The following PODNL1 variants were observed in gnomAD, a reference collection of about 807,000 sequenced individuals.
PODNL1 encodes the protein podocan like 1.
PODNL1 carries 50 observed loss-of-function variants against 45.1 expected under a neutral mutation model. That is an observed-to-expected ratio of 1.11 (90% CI 0.88 to 1.40). The LOEUF (loss-of-function observed/expected upper bound fraction) is 1.40, where lower values mean the gene tolerates loss of function less well. Among genes scored for constraint, PODNL1 ranks in the 40% most tolerant of loss-of-function variants. The pLI is 0.00. For synonymous variants in PODNL1, 406 were observed against 372.5 expected (o/e 1.09, Z -1.04); for missense variants, 788 against 793.3 (o/e 0.99, Z 0.08).
chr19:13,933,907 T>C lies in PODNL1; in HGVS notation c.738A>G (p.Thr246=). 1.2e-6 allele frequency: 2 copies of C among 1,611,540 alleles called. No individual in the cohort carries two copies. The highest frequency in any genetic ancestry group is 1.1e-5 in the South Asian group (1 of 90,432). Residue 246 remains threonine, a synonymous_variant, in exon 7 of 10, where the codon ACA becomes ACG. Coordinates refer to ENST00000588872, the MANE Select transcript of PODNL1 (RefSeq NM_001370095.3). This position sits in a 1 kb window ranked among gnomAD's most constrained non-coding sequence, Gnocchi z 5.2. ...AGGTGGTGGCATCCAGGCCACTGTC[T>C]GTCAGCTGGTTGTGCTGGAGGTAGA... The part of the protein sequence containing the change: ...RELYLQHNQL[T]DSGLDATTFS...
rs1236765891 is a variant in PODNL1 at position 13,933,531 on chromosome 19, G to C, written c.768-76C>G. ...TGACAGATTTTGGCGGGGAGGCTGG[G>C]GAGTGGTCCTGAGACAGATTTAAGC... On this transcript the variant is annotated intron_variant, in intron 7 of 9. Coordinates refer to ENST00000588872, the MANE Select transcript of PODNL1 (RefSeq NM_001370095.3). This position sits in a 1 kb window ranked among gnomAD's most constrained non-coding sequence, Gnocchi z 5.2. 9 of 1,435,684 alleles carry C rather than the reference G, an allele frequency of 6.3e-6. No individual in the cohort carries two copies. The highest frequency in any genetic ancestry group is 8.4e-6 in the Non-Finnish European group (9 of 1,072,430). 88.9% of individuals were successfully genotyped at this position (1,435,684 alleles called of 1,614,324 possible). A position where few individuals can be genotyped will look rare whatever the true frequency, so the allele number is the denominator to read the frequency against.
At chr19:13,950,102 T>C (rs1972949593) in intron 1 of PODNL1, among the ~76,000 whole-genome samples, 1 of 151,684 alleles carries the variant, frequency 6.6e-6, no homozygotes, top group African/African-American at 2.4e-5. Flanking sequence ...TCTCATGACC[T>C]TGTGATCTGC....
intron 1 of PODNL1, 25 bp from the exon 2 acceptor site, chr19:13,938,031 G>GTC: frequency 6.8e-7 from 1 of 1,480,650 alleles, no homozygotes; most frequent in South Asian, 1.3e-5. Flanking sequence ...GGGTCAGCGT[G>GTC]TCTCCAGGCT....
intron 1 of PODNL1, among the ~76,000 whole-genome samples, chr19:13,948,078 G>C (rs8101054): frequency 0.07 from 10,607 of 151,942 alleles, 1,115 homozygotes; most frequent in African/African-American, 0.22. Context: ...TGGTCTCCGG[G>C]GATCAAGGGA....
At position 13,932,486 on chromosome 19, in the gene PODNL1, T is replaced by A; in HGVS notation, c.1425+312A>T. On this transcript the variant is annotated intron_variant, in intron 8 of 9. Transcript: ENST00000588872. ...AAGCGATCCTCCTGCCTCAGCCTCC[T>A]GAATAGCTGGGACTACAGGCATGTG... 6 of 649,376 alleles carry A rather than the reference T, an allele frequency of 9.2e-6. No homozygotes were observed. In the South Asian group the frequency reaches 1.3e-4, roughly 14 times the overall value. 40.2% of individuals were successfully genotyped at this position (649,376 alleles called of 1,614,324 possible).
rs781492808 is a variant in PODNL1 at position 13,931,479 on chromosome 19, A to G, written c.*258T>C. 2.6e-6 allele frequency: 1 copy of G among 381,322 alleles called. No individual in the cohort carries two copies. The highest frequency in any genetic ancestry group is 4.6e-6 in the Non-Finnish European group (1 of 216,774). 23.6% of individuals were successfully genotyped at this position (381,322 alleles called of 1,614,324 possible). ...TGCCTGGTCCGTGCTGAGTGCTGGA[A>G]GGGTTTGGCTTTATTGTTGCTGCCT... On this transcript the variant is annotated 3_prime_UTR_variant, in exon 10 of 10. Transcript: ENST00000588872.
intron 1 of PODNL1, among the ~76,000 whole-genome samples, chr19:13,947,122 T>C (rs1044547002): frequency 2.9e-5 from 4 of 138,204 alleles, no homozygotes; most frequent in African/African-American, 8.3e-5. Flanking sequence ...TGAGCCAAGA[T>C]TGCACCACTG....
At chr19:13,934,824 T>TAA (rs1473679858) in intron 5 of PODNL1, among the ~76,000 whole-genome samples, 2 of 151,986 alleles carry the variant, frequency 1.3e-5, no homozygotes, top group East Asian at 1.9e-4. Context: ...TGGGTGTGCA[T>TAA]GTGTGCATGC....
intron 1 of PODNL1, among the ~76,000 whole-genome samples, chr19:13,946,197 C>T (rs977549619): frequency 1.3e-5 from 2 of 151,864 alleles, no homozygotes; most frequent in East Asian, 1.9e-4. Context: ...TTTGGGAGGC[C>T]GAGGTGGGCG....
intron 1 of PODNL1, chr19:13,949,311 T>C (rs1034077006): frequency 6.6e-6 from 1 of 151,894 alleles, no homozygotes; most frequent in Non-Finnish European, 1.5e-5. Flanking sequence ...GTAATTTTAT[T>C]ATTATTATTA....
At position 13,935,717 on chromosome 19, in the gene PODNL1, C is replaced by A; in HGVS notation, c.494+4G>T. The stretch of plus-strand genomic sequence containing the variant: ...CTGGGGGCCTGGGCTGGGCCAGGGT[C>A]TACCTGAGTGCCGGCTTCTCCCCAA... On this transcript the variant is annotated splice_donor_region_variant and intron_variant, in intron 5 of 9. Coordinates refer to ENST00000588872, the MANE Select transcript of PODNL1 (RefSeq NM_001370095.3). 1 of 1,552,640 alleles carries A rather than the reference C, an allele frequency of 6.4e-7. No homozygotes were observed.
intron 1 of PODNL1, among the ~76,000 whole-genome samples, chr19:13,944,862 G>A (rs1972766579): frequency 1.3e-5 from 2 of 151,914 alleles, no homozygotes; most frequent in Admixed American, 6.6e-5. Context: ...TGCGACCTCT[G>A]CCTCCTGGGT....
chr19:13,937,707 G>A, intron 2 of PODNL1, 78 bp downstream of exon 2: 1 of 1,375,030 alleles, frequency 7.3e-7, no homozygotes, highest in Non-Finnish European at 1.0e-6. Context: ...ACGCTCCTCA[G>A]CTCTGGGGCA....
rs527654983 is a variant in PODNL1 at position 13,938,377 on chromosome 19, C to A, written c.-196G>T. 2 of 1,393,658 alleles carry A rather than the reference C, an allele frequency of 1.4e-6. No individual in the cohort carries two copies. The highest frequency in any genetic ancestry group is 1.9e-6 in the Non-Finnish European group (2 of 1,073,468). 86.3% of individuals were successfully genotyped at this position (1,393,658 alleles called of 1,614,324 possible). Reference sequence around the variant, plus strand: ...ACCCCCTTCCCCGCCCTGGGGAGGACGGGCAGGCGGCCGGATGGGGTGGTG... The same window carrying A: ...ACCCCCTTCCCCGCCCTGGGGAGGAAGGGCAGGCGGCCGGATGGGGTGGTG... On this transcript the variant is annotated 5_prime_UTR_variant, in exon 1 of 10. Coordinates refer to ENST00000588872, the MANE Select transcript of PODNL1 (RefSeq NM_001370095.3).
In PODNL1 at chr19:13,948,078, G is replaced by A. The variant is rs8101054; in HGVS notation, c.18+5041C>T. On this transcript the variant is annotated intron_variant, in intron 1 of 7. Transcript: ENST00000538371. ...CTATGTTGCCCAGGTTGGTCTCCGG[G>A]GATCAAGGGAGACTTTAAGCAATCC... Among the ~76,000 whole-genome samples, 7 of 151,854 alleles carry A rather than the reference G, an allele frequency of 4.6e-5. No homozygotes were observed. The South Asian group carries it at 1.5e-3, about 32-fold the overall frequency.
At chr19:13,938,659 G>C (rs1972539700), upstream of PODNL1, among the ~76,000 whole-genome samples, 1 of 152,094 alleles carries the variant, frequency 6.6e-6, no homozygotes, top group South Asian at 2.1e-4. Context: ...AGCTTAGCCT[G>C]GCAGCCCAGA....
chr19:13,938,064 C>A, intron 1 of PODNL1, 58 bp from the exon 2 acceptor site: 1 of 1,456,490 alleles, frequency 6.9e-7, no homozygotes, highest in Non-Finnish European at 9.2e-7. Context: ...GCCATGGTGA[C>A]TGGAGCATCC....
At chr19:13,948,575 C>T (rs1214506895) in intron 1 of PODNL1, among the ~76,000 whole-genome samples, 2 of 151,088 alleles carry the variant, frequency 1.3e-5, no homozygotes, top group Non-Finnish European at 2.9e-5. Flanking sequence ...TCCTGGCTCC[C>T]CCAAGACTAT....
At chr19:13,941,114 C>A (rs1205016586), upstream of PODNL1, among the ~76,000 whole-genome samples, 2 of 151,940 alleles carry the variant, frequency 1.3e-5, no homozygotes, top group Non-Finnish European at 2.9e-5. Flanking sequence ...ACCTGTAATC[C>A]CAGCACTTTG....
Sources: allele counts gnomAD v4.1 joint callset (sites outside exome capture counted in the v4.1 genomes callset), GRCh38; gene constraint gnomAD v4.1.1; non-coding constraint Gnocchi (gnomAD v3.1); transcripts MANE v1.5; gene names NCBI Gene and HGNC (gene_info 2026-07-23, HGNC 2026-07-21).